Variants in SLC4A4 observed in about 807,000 individuals in gnomAD.
SLC4A4 encodes solute carrier family 4 member 4.
A neutral mutation model predicts 111.5 loss-of-function variants in SLC4A4; 27 were observed. The ratio of observed to expected loss-of-function variants is 0.24; its 90% CI spans 0.18 to 0.33. The LOEUF (loss-of-function observed/expected upper bound fraction) is 0.33. Among genes scored for constraint, SLC4A4 ranks in the 10% least tolerant of loss-of-function variants. The pLI, the probability that SLC4A4 is intolerant of heterozygous loss-of-function variation, is 1.00. For missense variants in SLC4A4, 909 were observed against 1,315.5 expected (o/e 0.69, Z 4.78); for synonymous variants, 443 against 463.4 (o/e 0.96, Z 0.57).
chr4:71,507,443 A>G (rs1352263638), intron 16 of SLC4A4, among the ~76,000 whole-genome samples: 1 of 152,218 alleles, frequency 6.6e-6, no homozygotes, highest in African/African-American at 2.4e-5. Flanking sequence ...TTGGGTTGCA[A>G]TCCTAGTTTC....
intron 2 of SLC4A4, among the ~76,000 whole-genome samples, chr4:71,169,450 G>T (rs141237226): frequency 8.1e-4 from 124 of 152,220 alleles, no homozygotes; most frequent in African/African-American, 2.9e-3. Flanking sequence ...TCTGATGATC[G>T]ATGATGTCGA....
chr4:71,319,433 C>T (rs1726950148), intron 3 of SLC4A4, among the ~76,000 whole-genome samples: 1 of 152,022 alleles, frequency 6.6e-6, no homozygotes, highest in Non-Finnish European at 1.5e-5. Context: ...CATTATGCAA[C>T]TTCTTTAGGT....
intron 2 of SLC4A4, among the ~76,000 whole-genome samples, chr4:71,096,478 G>A (rs557446514): frequency 6.6e-6 from 1 of 152,176 alleles, no homozygotes; most frequent in South Asian, 2.1e-4. Context: ...CAGGACTGGG[G>A]CTTGCCTCGG....
intron 7 of SLC4A4, among the ~76,000 whole-genome samples, chr4:71,433,723 A>G (rs1269486358): frequency 6.6e-6 from 1 of 152,092 alleles, no homozygotes; most frequent in Non-Finnish European, 1.5e-5. Flanking sequence ...GGCAGGAGGA[A>G]CTTCTCTAAG....
chr4:71,084,315 A>T (rs1430866222), intron 1 of SLC4A4, among the ~76,000 whole-genome samples: 1 of 152,022 alleles, frequency 6.6e-6, no homozygotes, highest in East Asian at 1.9e-4. Flanking sequence ...GTCTTTTCAT[A>T]TGTATGTTTC....
At chr4:71,179,173 C>G (rs1297110942) in intron 2 of SLC4A4, among the ~76,000 whole-genome samples, 1 of 152,154 alleles carries the variant, frequency 6.6e-6, no homozygotes, top group African/African-American at 2.4e-5. Flanking sequence ...GCTAAAAACT[C>G]TCAATAAATT....
rs747715733 is a variant in SLC4A4 at position 71,567,774 on chromosome 4, TC to T, written c.*37-12del. 16 of 1,302,210 alleles carry T rather than the reference TC, an allele frequency of 1.2e-5. No individual in the cohort carries two copies. The highest frequency in any genetic ancestry group is 1.7e-5 in the Non-Finnish European group (16 of 943,564). The allele number at this position is 1,302,210 out of a possible 1,614,324, so 80.7% of individuals were successfully genotyped here. On this transcript the variant is annotated splice_polypyrimidine_tract_variant and intron_variant, in intron 25 of 25. Transcript: ENST00000264485. The stretch of plus-strand genomic sequence containing the variant: ...CTGATTTACTTACTACTTTTTTTTT[TC>T]CTTTTTCTCTAGTCCTCCTAGAACT...
At chr4:71,185,360 C>T (rs1461232687), upstream of SLC4A4, among the ~76,000 whole-genome samples, 2 of 152,164 alleles carry the variant, frequency 1.3e-5, no homozygotes, top group Non-Finnish European at 2.9e-5. Flanking sequence ...TTGCTAACTG[C>T]CTGCTCAGGG....
intron 3 of SLC4A4, among the ~76,000 whole-genome samples, chr4:71,281,972 T>C (rs1723554961): frequency 6.6e-6 from 1 of 151,742 alleles, no homozygotes; most frequent in South Asian, 2.1e-4. Flanking sequence ...GAGATGACTA[T>C]ATGATACAAG....
chr4:71,343,665 A>G (rs1291970845), intron 4 of SLC4A4, among the ~76,000 whole-genome samples: 1 of 152,224 alleles, frequency 6.6e-6, no homozygotes, highest in African/African-American at 2.4e-5. Flanking sequence ...ACTACATCTC[A>G]CATTCAGTAC....
chr4:71,208,636 A>G (rs1717940785), intron 1 of SLC4A4, among the ~76,000 whole-genome samples: 1 of 151,876 alleles, frequency 6.6e-6, no homozygotes, highest in Admixed American at 6.6e-5. Context: ...AAAATCTCAT[A>G]ATCTCATTTA....
At position 71,354,677 on chromosome 4, in the gene SLC4A4, T is replaced by G. The variant is rs556991355; in HGVS notation, c.551-2331T>G. ...TTGGTTTGCAAAAGCTCTGCGTATA[T>G]CAATTATTTGTTTCTCTAGAGCTTA... On this transcript the variant is annotated intron_variant, in intron 5 of 25. Transcript: ENST00000264485. Among the ~76,000 whole-genome samples, 7 of 151,738 alleles carry G rather than the reference T, an allele frequency of 4.6e-5. No homozygotes were observed. The South Asian group carries it at 1.4e-3, about 31-fold the overall frequency.
intron 16 of SLC4A4, among the ~76,000 whole-genome samples, chr4:71,519,666 G>T (rs182368229): frequency 2.0e-5 from 3 of 151,530 alleles, no homozygotes; most frequent in Non-Finnish European, 4.4e-5. Flanking sequence ...ACAGAGTCTC[G>T]CTCTGTTGCC....
chr4:71,339,289 G>T (rs775702694), intron 3 of SLC4A4, 81 bp from the exon 4 acceptor site: 1 of 1,614,162 alleles, frequency 6.2e-7, no homozygotes, highest in Non-Finnish European at 8.5e-7. Context: ...AGTAACCTTG[G>T]GGAGAGAGGA....
chr4:71,072,395 G>T (rs962526948), intron 1 of SLC4A4, among the ~76,000 whole-genome samples: 5 of 152,040 alleles, frequency 3.3e-5, no homozygotes, highest in African/African-American at 1.2e-4. Flanking sequence ...GTATAGTTAT[G>T]TCTATTGTTA....
chr4:71,391,424 A>G (rs1719249058), intron 6 of SLC4A4, among the ~76,000 whole-genome samples: 1 of 152,116 alleles, frequency 6.6e-6, no homozygotes. Flanking sequence ...TTTCTGTGCC[A>G]TAGATTCTCC....
intron 16 of SLC4A4, among the ~76,000 whole-genome samples, chr4:71,530,301 T>C (rs564725527): frequency 1.3e-5 from 2 of 152,286 alleles, no homozygotes; most frequent in South Asian, 4.1e-4. Flanking sequence ...CAGGCAATAT[T>C]GTTAAGCACT....
intron 15 of SLC4A4, among the ~76,000 whole-genome samples, chr4:71,488,659 T>C (rs1472356827): frequency 6.6e-6 from 1 of 151,740 alleles, no homozygotes; most frequent in Non-Finnish European, 1.5e-5. Flanking sequence ...TAGCCATATA[T>C]TAGTAGAACA....
chr4:71,168,985 C>G (rs977434330), intron 2 of SLC4A4, among the ~76,000 whole-genome samples: 2 of 151,870 alleles, frequency 1.3e-5, no homozygotes, highest in African/African-American at 4.8e-5. Context: ...AGTGGGATTG[C>G]TGAATCATAA....
Sources: allele counts gnomAD v4.1 joint callset (sites outside exome capture counted in the v4.1 genomes callset), GRCh38; gene constraint gnomAD v4.1.1; transcripts MANE v1.5; gene names NCBI Gene and HGNC (gene_info 2026-07-23, HGNC 2026-07-21).